The following PDCL2 variants were observed in gnomAD, a reference collection of about 807,000 sequenced individuals.
PDCL2 encodes the protein phosducin-like protein 2.
PDCL2 carries 23 observed loss-of-function variants against 30.3 expected under a neutral mutation model. That is an observed-to-expected ratio of 0.76 (90% CI 0.55 to 1.08). PDCL2 has a LOEUF of 1.08. Among genes scored for constraint, PDCL2 ranks in the 50% least tolerant of loss-of-function variants. PDCL2 has a pLI of 0.00. For synonymous variants in PDCL2, 68 were observed against 86.2 expected (o/e 0.79, Z 1.17); for missense variants, 243 against 282.3 (o/e 0.86, Z 1.00).
chr4:55,580,935 T>A (rs1485215874), intron 2 of PDCL2, 24 bp from the exon 3 acceptor site: 4 of 1,554,838 alleles, frequency 2.6e-6, no homozygotes, highest in Non-Finnish European at 3.5e-6. Context: ...AATTATAGAT[T>A]ATCAAATTGT....
intron 3 of PDCL2, among the ~76,000 whole-genome samples, chr4:55,573,845 TAAAAA>T (rs201924394): frequency 6.7e-6 from 1 of 150,320 alleles, no homozygotes; most frequent in African/African-American, 2.4e-5. Flanking sequence ...TTTTATCAAG[TAAAAA>T]AAAAGTTCCA....
chr4:55,557,769 A>G (rs1732010409), intron 5 of PDCL2, among the ~76,000 whole-genome samples: 1 of 151,926 alleles, frequency 6.6e-6, no homozygotes, highest in South Asian at 2.1e-4. Flanking sequence ...TCAAGACACA[A>G]TTTATACTGA....
intron 5 of PDCL2, among the ~76,000 whole-genome samples, chr4:55,561,223 G>A (rs1242786587): frequency 6.6e-6 from 1 of 152,006 alleles, no homozygotes; most frequent in Non-Finnish European, 1.5e-5. Flanking sequence ...GTCTCGGTAA[G>A]GGCAAAAACA....
intron 1 of PDCL2, among the ~76,000 whole-genome samples, chr4:55,590,758 G>A (rs992394593): frequency 6.6e-6 from 1 of 151,992 alleles, no homozygotes; most frequent in African/African-American, 2.4e-5. Context: ...GCCTCCCAAA[G>A]TGCTGGGGTT....
chr4:55,592,220 G>A lies in PDCL2; in HGVS notation c.-111C>T. 6.7e-7 allele frequency: 1 copy of A among 1,492,994 alleles called. No individual in the cohort carries two copies. Among genetic ancestry groups the A allele is most frequent in the Middle Eastern group, 1.9e-4 (1 of 5,278 alleles). The allele number at this position is 1,492,994 out of a possible 1,614,324, so 92.5% of individuals were successfully genotyped here. ...TGGAAGAGCGCCCGCTTCAGGCCCG[G>A]CGGTTTCGAGTGACCGCCAGAAGAG... is the stretch of plus-strand genomic sequence containing the variant. On this transcript the variant is annotated 5_prime_UTR_variant, in exon 1 of 6. Coordinates refer to ENST00000295645, the MANE Select transcript of PDCL2 (RefSeq NM_152401.3).
At chr4:55,571,863 T>C (rs1204733230) in intron 3 of PDCL2, among the ~76,000 whole-genome samples, 1 of 151,510 alleles carries the variant, frequency 6.6e-6, no homozygotes, top group Admixed American at 6.6e-5. Flanking sequence ...CAATTTTTCC[T>C]CCACTGGCCC....
At chr4:55,587,402 A>T (rs937109268) in intron 1 of PDCL2, among the ~76,000 whole-genome samples, 6 of 152,012 alleles carry the variant, frequency 3.9e-5, no homozygotes, top group South Asian at 2.1e-4. Context: ...CTCAAACTAT[A>T]GCAAAATCTT....
chr4:55,566,518 G>C (rs1279109749), intron 4 of PDCL2, among the ~76,000 whole-genome samples: 2 of 148,828 alleles, frequency 1.3e-5, no homozygotes, highest in African/African-American at 5.0e-5. Flanking sequence ...CGCCTCCCGG[G>C]TTCAAGCCAT....
chr4:55,589,731 A>C (rs559701008), intron 1 of PDCL2, among the ~76,000 whole-genome samples: 2 of 152,332 alleles, frequency 1.3e-5, no homozygotes, highest in South Asian at 4.1e-4. Context: ...AAAAGAGTTT[A>C]TGAGTATGTA....
chr4:55,585,326 G>A (rs1354167651), intron 1 of PDCL2, among the ~76,000 whole-genome samples: 3 of 152,066 alleles, frequency 2.0e-5, no homozygotes, highest in Non-Finnish European at 4.4e-5. Flanking sequence ...TCAGGAGTTC[G>A]AGACCAGCCT....
At chr4:55,575,812 C>T (rs1224513558) in intron 3 of PDCL2, among the ~76,000 whole-genome samples, 2 of 151,960 alleles carry the variant, frequency 1.3e-5, no homozygotes, top group Non-Finnish European at 2.9e-5. Flanking sequence ...AGCAAGAATT[C>T]GATATTTGGC....
intron 1 of PDCL2, among the ~76,000 whole-genome samples, chr4:55,585,985 CTTGA>C (rs1732854967): frequency 6.6e-6 from 1 of 151,990 alleles, no homozygotes; most frequent in African/African-American, 2.4e-5. Flanking sequence ...CAAAGATTTT[CTTGA>C]TTTTTTCTAT....
chr4:55,569,866 T>C lies in PDCL2; in HGVS notation c.219-5A>G, dbSNP rs1216588185. On this transcript the variant is annotated splice_polypyrimidine_tract_variant and splice_region_variant and intron_variant, in intron 3 of 5. Coordinates refer to ENST00000295645, the MANE Select transcript of PDCL2 (RefSeq NM_152401.3). ...CATTCCTGTAACCGCTTCTTTCTAA[T>C]TAAAACATGAAATTAAATTACATAA... 1 of 1,486,526 alleles carries C rather than the reference T, an allele frequency of 6.7e-7. No homozygotes were observed. Among genetic ancestry groups the C allele is most frequent in the Middle Eastern group, 1.7e-4 (1 of 5,726 alleles). The allele number at this position is 1,486,526 out of a possible 1,614,324, so 92.1% of individuals were successfully genotyped here.
chr4:55,580,894 TC>T lies in PDCL2; in HGVS notation c.144del (p.Met49Ter). 6.2e-7 allele frequency: 1 copy of T among 1,601,180 alleles called. No homozygotes were observed. Among genetic ancestry groups the T allele is most frequent in the Non-Finnish European group, 8.5e-7 (1 of 1,176,196 alleles). On this transcript the variant is annotated frameshift_variant, in exon 3 of 6. Coordinates refer to ENST00000295645, the MANE Select transcript of PDCL2 (RefSeq NM_152401.3). LOFTEE classifies it high-confidence loss of function. ...QKEAMVKPFE[K>X]MTLAQLKEAE... ...GCTTCCTTTAGCTGTGCAAGAGTCATCTTTTCAAATGGTTTCACTAAAACAA... is the reference window on the plus strand; with the variant it reads ...GCTTCCTTTAGCTGTGCAAGAGTCATTTTTCAAATGGTTTCACTAAAACAA...
At chr4:55,571,934 G>A (rs987102251) in intron 3 of PDCL2, among the ~76,000 whole-genome samples, 11 of 151,754 alleles carry the variant, frequency 7.2e-5, no homozygotes, top group South Asian at 2.1e-4. Flanking sequence ...TGTTTGCACC[G>A]AGTATCTAAC....
chr4:55,574,940 G>A (rs1732524905), intron 3 of PDCL2, among the ~76,000 whole-genome samples: 1 of 152,170 alleles, frequency 6.6e-6, no homozygotes. Context: ...TGGAATTGCT[G>A]GGTCATATGC....
chr4:55,581,339 G>A (rs1364757638), intron 2 of PDCL2, among the ~76,000 whole-genome samples: 1 of 151,622 alleles, frequency 6.6e-6, no homozygotes, highest in Non-Finnish European at 1.5e-5. Flanking sequence ...ACATAAAGCA[G>A]CCAGCCACCA....
At chr4:55,586,462 G>A (rs891527908) in intron 1 of PDCL2, among the ~76,000 whole-genome samples, 4 of 152,102 alleles carry the variant, frequency 2.6e-5, no homozygotes, top group Admixed American at 6.6e-5. Flanking sequence ...GGCTTATTTC[G>A]CTTAGCATGT....
chr4:55,582,032 C>T lies in PDCL2; in HGVS notation c.127+85G>A, dbSNP rs540481809. 6 of 1,539,414 alleles carry T rather than the reference C, an allele frequency of 3.9e-6. No homozygotes were observed. The South Asian group carries it at 6.0e-5, about 15-fold the overall frequency. ...TATACTAAATGATTTCTAATGTCCT[C>T]TCTCCCACTATGTTCATGAAATACC... On this transcript the variant is annotated intron_variant, in intron 2 of 5. Transcript: ENST00000295645.
Sources: gnomAD v4.1 joint callset for allele counts (sites outside exome capture counted in the v4.1 genomes callset) on GRCh38, gnomAD v4.1.1 for gene constraint, MANE v1.5 for transcripts, NCBI Gene and HGNC (gene_info 2026-07-23, HGNC 2026-07-21) for gene names.